GABRB1: variants seen among roughly 807,000 people sequenced by gnomAD.
GABRB1 encodes gamma-aminobutyric acid type A receptor subunit beta1.
Under a neutral mutation model 51.6 loss-of-function variants are expected in GABRB1, and 17 were observed. The ratio of observed to expected loss-of-function variants is 0.33; its 90% CI spans 0.23 to 0.49. The LOEUF (loss-of-function observed/expected upper bound fraction) is 0.49. Among genes scored for constraint, GABRB1 ranks in the 20% least tolerant of loss-of-function variants. The pLI is 0.99. For missense variants in GABRB1, 410 were observed against 600.6 expected, an observed-to-expected ratio of 0.68 and a Z score of 3.32; for synonymous variants, 247 against 218.9, an observed-to-expected ratio of 1.13 and a Z score of -1.14.
intron 8 of GABRB1, among the ~76,000 whole-genome samples, chr4:47,416,419 A>G (rs1435941889): frequency 6.6e-6 from 1 of 152,112 alleles, no homozygotes; most frequent in East Asian, 1.9e-4. Flanking sequence ...TAAACAGAGT[A>G]AACAGAAGAT....
chr4:46,996,494 C>T (rs1024800643), intron 1 of GABRB1, among the ~76,000 whole-genome samples: 1 of 152,134 alleles, frequency 6.6e-6, no homozygotes. Flanking sequence ...TGGAAATGAA[C>T]ACAAAATCTT....
chr4:47,232,078 T>C (rs540796680), intron 4 of GABRB1, among the ~76,000 whole-genome samples: 8 of 152,268 alleles, frequency 5.3e-5, no homozygotes, highest in African/African-American at 1.7e-4. Context: ...GTATCCAATA[T>C]ATTAAAGTTA....
intron 5 of GABRB1, among the ~76,000 whole-genome samples, chr4:47,333,190 TTA>T (rs1374631597): frequency 1.1e-3 from 90 of 83,468 alleles, no homozygotes; most frequent in African/African-American, 4.1e-3. Context: ...AAAACCCATT[TTA>T]TTTATATATA....
intron 1 of GABRB1, among the ~76,000 whole-genome samples, chr4:47,009,363 A>ACCATT (rs1724516748): frequency 6.6e-6 from 1 of 152,098 alleles, no homozygotes; most frequent in Admixed American, 6.6e-5. Context: ...AAGTTTTAAA[A>ACCATT]ACACTACCAT....
intron 4 of GABRB1, among the ~76,000 whole-genome samples, chr4:47,221,715 C>T (rs975617237): frequency 3.3e-5 from 5 of 152,140 alleles, no homozygotes; most frequent in African/African-American, 1.2e-4. Flanking sequence ...TTGTGAGAAT[C>T]TGCAGGGTGA....
chr4:47,085,911 A>T (rs2109576508), intron 3 of GABRB1, among the ~76,000 whole-genome samples: 1 of 152,334 alleles, frequency 6.6e-6, no homozygotes, highest in African/African-American at 2.4e-5. Flanking sequence ...AGGCCTCTGA[A>T]GGCCTAGGTG....
chr4:47,137,011 T>C (rs1259448981), intron 3 of GABRB1, among the ~76,000 whole-genome samples: 3 of 152,038 alleles, frequency 2.0e-5, no homozygotes, highest in African/African-American at 7.2e-5. Flanking sequence ...ACAAGGAGAC[T>C]AGGACTGACT....
At chr4:47,162,854 CT>C (rs1718021098) in intron 4 of GABRB1, among the ~76,000 whole-genome samples, 1 of 152,020 alleles carries the variant, frequency 6.6e-6, no homozygotes, top group Non-Finnish European at 1.5e-5. Flanking sequence ...AGACAATGAC[CT>C]TTCCAAAGAG....
chr4:47,259,047 G>A (rs2109874629), intron 4 of GABRB1, among the ~76,000 whole-genome samples: 1 of 152,158 alleles, frequency 6.6e-6, no homozygotes, highest in African/African-American at 2.4e-5. Flanking sequence ...GTAAACTGCA[G>A]CCTTGAATGG....
At chr4:47,086,480 TAGAG>T (rs1313848108) in intron 3 of GABRB1, among the ~76,000 whole-genome samples, 1 of 152,160 alleles carries the variant, frequency 6.6e-6, no homozygotes, top group Non-Finnish European at 1.5e-5. Context: ...ACGTGAACAC[TAGAG>T]AAAGGGCAGT....
intron 4 of GABRB1, among the ~76,000 whole-genome samples, chr4:47,198,038 C>T (rs910441922): frequency 3.3e-5 from 5 of 152,132 alleles, no homozygotes; most frequent in Admixed American, 1.3e-4. Context: ...GAGAGGGCAG[C>T]GGAAAGAGAT....
At chr4:47,177,632 G>C (rs995485743) in intron 4 of GABRB1, among the ~76,000 whole-genome samples, 1 of 151,916 alleles carries the variant, frequency 6.6e-6, no homozygotes, top group Non-Finnish European at 1.5e-5. Context: ...AGGTAACCTG[G>C]TAAAAAAGAA....
chr4:47,372,418 T>A (rs1299580510), intron 5 of GABRB1, among the ~76,000 whole-genome samples: 2 of 152,216 alleles, frequency 1.3e-5, no homozygotes, highest in Non-Finnish European at 2.9e-5. Flanking sequence ...AGCTTTGTTT[T>A]TTCTCCAATT....
At chr4:47,240,004 G>A (rs1047858295) in intron 4 of GABRB1, among the ~76,000 whole-genome samples, 2 of 152,184 alleles carry the variant, frequency 1.3e-5, no homozygotes, top group African/African-American at 2.4e-5. Context: ...TGGATTAGCA[G>A]CAGCAGCTCA....
At chr4:47,188,771 A>G (rs1340408612) in intron 4 of GABRB1, among the ~76,000 whole-genome samples, 1 of 152,002 alleles carries the variant, frequency 6.6e-6, no homozygotes, top group Non-Finnish European at 1.5e-5. Context: ...ATAGTATCCA[A>G]AGAAAATATT....
At chr4:47,222,367 T>C (rs1024337332) in intron 4 of GABRB1, among the ~76,000 whole-genome samples, 3 of 152,188 alleles carry the variant, frequency 2.0e-5, no homozygotes, top group Admixed American at 2.0e-4. Flanking sequence ...CCTGCTTGCC[T>C]GTATTCCTAT....
At chr4:47,270,793 G>C (rs1306694768) in intron 4 of GABRB1, among the ~76,000 whole-genome samples, 4 of 152,164 alleles carry the variant, frequency 2.6e-5, no homozygotes, top group Non-Finnish European at 5.9e-5. Context: ...TGCTGTCCAA[G>C]GTAACTACCT....
intron 5 of GABRB1, among the ~76,000 whole-genome samples, chr4:47,374,677 C>T (rs1321496258): frequency 6.6e-6 from 1 of 152,160 alleles, no homozygotes; most frequent in Non-Finnish European, 1.5e-5. Flanking sequence ...ATAACACTGA[C>T]TAAGAGTAAT....
intron 5 of GABRB1, among the ~76,000 whole-genome samples, chr4:47,402,525 A>G (rs1308108189): frequency 6.6e-6 from 1 of 152,218 alleles, no homozygotes; most frequent in Non-Finnish European, 1.5e-5. Context: ...TTACTCTTAT[A>G]CATAATGATA....
Sources: allele counts gnomAD v4.1 joint callset (sites outside exome capture counted in the v4.1 genomes callset), GRCh38; gene constraint gnomAD v4.1.1; transcripts MANE v1.5; gene names NCBI Gene and HGNC (gene_info 2026-07-23, HGNC 2026-07-21).